The following PADI6 variants were observed in gnomAD, a reference collection of about 807,000 sequenced individuals.
The protein encoded by PADI6 is inactive protein-arginine deiminase type-6.
Under a neutral mutation model 78.2 loss-of-function variants are expected in PADI6, and 66 were observed. The observed-to-expected ratio is 0.84, with a 90% confidence interval of 0.69 to 1.04. The LOEUF (loss-of-function observed/expected upper bound fraction) is 1.04, where lower values mean the gene tolerates loss of function less well. Among genes scored for constraint, PADI6 ranks in the 50% least tolerant of loss-of-function variants. The probability of loss-of-function intolerance (pLI) is 0.00; values close to 1 mark genes in which losing one functional copy is unlikely to be tolerated. For synonymous variants in PADI6, 397 were observed against 346.9 expected, an observed-to-expected ratio of 1.14 and a Z score of -1.60; for missense variants, 854 against 866.1, an observed-to-expected ratio of 0.99 and a Z score of 0.18.
intron 9 of PADI6, among the ~76,000 whole-genome samples, chr1:17,393,253 C>T (rs112896608): frequency 6.6e-6 from 1 of 152,238 alleles, no homozygotes; most frequent in South Asian, 2.1e-4. Flanking sequence ...GGTTAAGGTA[C>T]CTTTTAAGCT....
At chr1:17,374,895 A>G (rs147005595) in intron 2 of PADI6, among the ~76,000 whole-genome samples, 1 of 152,198 alleles carries the variant, frequency 6.6e-6, no homozygotes, top group African/African-American at 2.4e-5. Context: ...CTAAAAGCAT[A>G]AAGTAGAGGC....
rs1346630924 is a variant in PADI6, at chr1:17,400,594, C to T, written c.1852-611C>T. On this transcript the variant is annotated intron_variant, in intron 15 of 15. Transcript: ENST00000619609. ...ATAGTCAAGAGTGGGGCTGTGAGTA[C>T]AAGAGGTCCTGGCTTCACCAAGCCT... Among the ~76,000 whole-genome samples, 7 of 152,292 alleles carry T rather than the reference C, an allele frequency of 4.6e-5. No homozygotes were observed. The South Asian group carries it at 6.2e-4, about 14-fold the overall frequency.
Position 17,398,788 on chromosome 1 carries a change from A to G in PADI6, c.1792A>G (p.Asn598Asp), listed in dbSNP as rs1370213987. ...GCTGTTCTGCTTGGAGAAGCTGACT[A>G]ACATCCCCTCTGACCAGCAGCCCAA... ...PQLFCLEKLT[N>D]IPSDQQPKRS... is the part of the protein sequence containing the mutation. Residue 598 changes from asparagine to aspartate, a missense_variant, in exon 15 of 16, where the codon AAC becomes GAC. Physicochemically the swap from Asn to Asp is conservative, Grantham distance 23. Coordinates refer to ENST00000619609, the MANE Select transcript of PADI6 (RefSeq NM_207421.4). 3.7e-6 allele frequency: 6 copies of G among 1,612,260 alleles called. No individual in the cohort carries two copies. The highest frequency in any genetic ancestry group is 5.1e-6 in the Non-Finnish European group (6 of 1,179,386).
chr1:17,379,881 A>T lies in PADI6; in HGVS notation c.368-39A>T, dbSNP rs748281720. On this transcript the variant is annotated intron_variant, in intron 3 of 15. Coordinates refer to ENST00000619609, the MANE Select transcript of PADI6 (RefSeq NM_207421.4). ...CTATAACTTTGAGGTTCCATCTGGC[A>T]GGTCAAGGTGGCTGGGACACCCTTT... 4 of 1,585,418 alleles carry T rather than the reference A, an allele frequency of 2.5e-6. No homozygotes were observed. In the South Asian group the frequency reaches 4.4e-5, roughly 18 times the overall value.
chr1:17,390,891 A>G (rs577249519), intron 8 of PADI6, among the ~76,000 whole-genome samples: 62 of 152,328 alleles, frequency 4.1e-4, no homozygotes, highest in African/African-American at 1.5e-3. Context: ...TGTGATATTC[A>G]GGCATGGTTT....
chr1:17,392,674 C>CAT (rs1227273171), intron 9 of PADI6, among the ~76,000 whole-genome samples: 1 of 152,218 alleles, frequency 6.6e-6, no homozygotes, highest in Non-Finnish European at 1.5e-5. Flanking sequence ...TAAACTGGAA[C>CAT]ATATGCTGTC....
chr1:17,393,129 GA>G (rs1325019761), intron 9 of PADI6, among the ~76,000 whole-genome samples: 1 of 152,032 alleles, frequency 6.6e-6, no homozygotes, highest in Non-Finnish European at 1.5e-5. Flanking sequence ...CTGGATGACA[GA>G]GCGAGACTGT....
chr1:17,378,310 C>T (rs150318227), intron 3 of PADI6, among the ~76,000 whole-genome samples: 1 of 152,346 alleles, frequency 6.6e-6, no homozygotes, highest in African/African-American at 2.4e-5. Flanking sequence ...CTCCGTCTTG[C>T]ACGCTGCTAG....
intron 8 of PADI6, among the ~76,000 whole-genome samples, chr1:17,391,759 T>C (rs2075186563): frequency 6.6e-6 from 1 of 152,136 alleles, no homozygotes; most frequent in African/African-American, 2.4e-5. Context: ...GAGGTTGCGG[T>C]GAGTCAGATC....
In PADI6 at chr1:17,392,160, G is replaced by T; in HGVS notation, c.1009G>T (p.Glu337Ter). 1 of 1,562,108 alleles carries T rather than the reference G, an allele frequency of 6.4e-7. No individual in the cohort carries two copies. The highest frequency in any genetic ancestry group is 1.4e-5 in the African/African-American group (1 of 73,702). Residue 337 changes from glutamate (E) to a stop codon, truncating the protein, a stop_gained, in exon 9 of 16, where the codon GAG becomes TAG. Transcript: ENST00000619609. LOFTEE classifies it high-confidence loss of function. ...GFVDTVTKLS[E>*]KSNSQVASVY... ...TGTGGACACAGTGACGAAGCTGAGT[G>T]AGAAGAGCAACAGCCAGGTGGCATC... is the stretch of plus-strand genomic sequence containing the variant.
Position 17,401,599 on chromosome 1 carries a change from C to T in PADI6, c.*161C>T. 2 of 658,088 alleles carry T rather than the reference C, an allele frequency of 3.0e-6. No homozygotes were observed. Among genetic ancestry groups the T allele is most frequent in the Non-Finnish European group, 2.6e-6 (1 of 389,994 alleles). The allele number at this position is 658,088 out of a possible 1,614,324, so 40.8% of individuals were successfully genotyped here. ...CCGACCCTCGGACCCAGTAGGATGG[C>T]AAATGCCGCCAGCTTGAACCCCTAT... On this transcript the variant is annotated 3_prime_UTR_variant, in exon 16 of 16. Coordinates refer to ENST00000619609, the MANE Select transcript of PADI6 (RefSeq NM_207421.4).
intron 5 of PADI6, among the ~76,000 whole-genome samples, 197 bp from the exon 6 acceptor site, chr1:17,381,770 C>T (rs779806717): frequency 6.6e-6 from 1 of 152,128 alleles, no homozygotes; most frequent in Non-Finnish European, 1.5e-5. Context: ...CAAAAGGAGG[C>T]CCTGAGGTTT....
Position 17,394,340 on chromosome 1 carries a change from A to G in PADI6, c.1223A>G (p.His408Arg), listed in dbSNP as rs1262354065. ...TACATGATCCAGGACACTGAGGACC[A>G]TAAAGTGGCCAGCATGGATTCCATT... The part of the protein sequence containing the change: ...IGYMIQDTED[H>R]KVASMDSIGN... The change falls in exon 11 of 16, where the codon CAT (histidine) becomes CGT (arginine). Residue 408 changes from histidine (H) to arginine (R), a missense_variant. By Grantham distance (29) the His-to-Arg change is conservative. Transcript: ENST00000619609. The G allele has an allele frequency of 5.6e-6, 9 of 1,613,912 alleles. No homozygotes were observed. The highest frequency in any genetic ancestry group is 1.6e-4 in the Middle Eastern group (1 of 6,062).
At chr1:17,377,068 T>C (rs1453260092) in intron 3 of PADI6, among the ~76,000 whole-genome samples, 1 of 152,084 alleles carries the variant, frequency 6.6e-6, no homozygotes, top group Non-Finnish European at 1.5e-5. Context: ...GGTATCCCTA[T>C]GTTGCCCAGG....
intron 6 of PADI6, 49 bp downstream of exon 6, chr1:17,382,141 G>C (rs1333935624): frequency 6.2e-7 from 1 of 1,601,764 alleles, no homozygotes; most frequent in South Asian, 1.1e-5. Flanking sequence ...CGACGTGCCA[G>C]GCAAGTTGTG....
chr1:17,374,267 C>T (rs1005512015), intron 2 of PADI6, among the ~76,000 whole-genome samples: 1 of 152,056 alleles, frequency 6.6e-6, no homozygotes, highest in Non-Finnish European at 1.5e-5. Flanking sequence ...GTACACACAC[C>T]CACCTGCGCT....
At position 17,394,996 on chromosome 1, in the gene PADI6, T is replaced by C; in HGVS notation, c.1383T>C (p.Tyr461=). The C allele has an allele frequency of 1.9e-6, 3 of 1,613,676 alleles. No homozygotes were observed. The highest frequency in any genetic ancestry group is 2.5e-6 in the Non-Finnish European group (3 of 1,179,892). ...AMSKTLRDFL[Y]AQQVQAPVEL... ...GTAAGACCCTCCGAGACTTCCTCTA[T>C]GCCCAGCAGGTCCAAGCGCCGGTGG... The change falls in exon 12 of 16, where the codon TAT becomes TAC. Residue 461 remains tyrosine, a synonymous_variant. Coordinates refer to ENST00000619609, the MANE Select transcript of PADI6 (RefSeq NM_207421.4).
chr1:17,398,128 T>G (rs924662991), intron 14 of PADI6, among the ~76,000 whole-genome samples: 2 of 152,134 alleles, frequency 1.3e-5, no homozygotes, highest in Admixed American at 6.5e-5. Flanking sequence ...CAAAACTGCT[T>G]CTCTCACTGG....
rs547802592 is a variant in PADI6 at position 17,393,638 on chromosome 1, T to C, written c.1075-337T>C. On this transcript the variant is annotated intron_variant, in intron 9 of 15. Transcript: ENST00000619609. Reference sequence around the variant, plus strand: ...ACAGGCATGAGCCACCATGCCTGGCTAACTTTTTGGTTTTGTTTTAAGTAG... The same window carrying C: ...ACAGGCATGAGCCACCATGCCTGGCCAACTTTTTGGTTTTGTTTTAAGTAG... Among the ~76,000 whole-genome samples, 17 of 152,284 alleles carry C rather than the reference T, an allele frequency of 1.1e-4. No individual in the cohort carries two copies. In the East Asian group the frequency reaches 3.3e-3, roughly 29 times the overall value.
Sources: allele counts gnomAD v4.1 joint callset (sites outside exome capture counted in the v4.1 genomes callset), GRCh38; gene constraint gnomAD v4.1.1; transcripts MANE v1.5; gene names NCBI Gene and HGNC (gene_info 2026-07-23, HGNC 2026-07-21).